The following NCK2 variants were observed in gnomAD, a reference collection of about 807,000 sequenced individuals.
NCK2 encodes the protein cytoplasmic protein NCK2.
Under a neutral mutation model 33.9 loss-of-function variants are expected in NCK2, and 16 were observed. The ratio of observed to expected loss-of-function variants is 0.47; its 90% CI spans 0.32 to 0.72. The LOEUF (loss-of-function observed/expected upper bound fraction) is 0.72, where lower values mean the gene tolerates loss of function less well. Among genes scored for constraint, NCK2 ranks in the 30% least tolerant of loss-of-function variants. The pLI, the probability that NCK2 is intolerant of heterozygous loss-of-function variation, is 0.03. For missense variants in NCK2, 418 were observed against 537.3 expected (o/e 0.78, Z 2.19); for synonymous variants, 273 against 239.9 (o/e 1.14, Z -1.27).
At chr2:105,794,959 T>G (rs1319213711) in intron 1 of NCK2, among the ~76,000 whole-genome samples, 1 of 152,192 alleles carries the variant, frequency 6.6e-6, no homozygotes, top group African/African-American at 2.4e-5. Flanking sequence ...TCCATCACCA[T>G]TTTTTAAAGA....
intron 1 of NCK2, among the ~76,000 whole-genome samples, chr2:105,765,817 C>T (rs200948465): frequency 3.3e-5 from 4 of 121,244 alleles, no homozygotes; most frequent in Non-Finnish European, 4.9e-5. Context: ...GTGTGTGTGT[C>T]TGTGTGTGTG....
Position 105,792,897 on chromosome 2 carries a change from A to G in NCK2, c.-200-23533A>G, listed in dbSNP as rs150623713. The stretch of plus-strand genomic sequence containing the variant: ...TTTCTGATTCAGTCACTCCTTCTGC[A>G]CTTGCTAGCCAGGTGAGGAGAGTAC... On this transcript the variant is annotated intron_variant, in intron 1 of 4. Coordinates refer to ENST00000233154, the MANE Select transcript of NCK2 (RefSeq NM_003581.5). 1.2e-4 allele frequency among the ~76,000 whole-genome samples: 19 copies of G among 152,282 alleles called. No homozygotes were observed. In the East Asian group the frequency reaches 3.5e-3, roughly 28 times the overall value.
At chr2:105,746,338 A>C (rs1318423618) in intron 1 of NCK2, among the ~76,000 whole-genome samples, 3 of 152,136 alleles carry the variant, frequency 2.0e-5, no homozygotes, top group East Asian at 1.9e-4. Flanking sequence ...TGGGACCTAC[A>C]GGTAGGGGAG....
intron 3 of NCK2, among the ~76,000 whole-genome samples, chr2:105,870,228 C>G (rs1190518182): frequency 1.3e-5 from 2 of 152,224 alleles, no homozygotes; most frequent in African/African-American, 4.8e-5. Flanking sequence ...GGTGCTCCTC[C>G]TACCCTCCCC....
At chr2:105,848,309 T>C (rs1676930301) in intron 2 of NCK2, among the ~76,000 whole-genome samples, 1 of 152,210 alleles carries the variant, frequency 6.6e-6, no homozygotes, top group African/African-American at 2.4e-5. Flanking sequence ...TTTCAAACCC[T>C]GGCTTTCTGC....
intron 2 of NCK2, among the ~76,000 whole-genome samples, chr2:105,824,749 G>C (rs1675878546): frequency 6.6e-6 from 1 of 152,186 alleles, no homozygotes; most frequent in Non-Finnish European, 1.5e-5. Flanking sequence ...GTGACATGGA[G>C]GGAGAGGGTA....
chr2:105,848,144 C>G (rs1261591665), intron 2 of NCK2, among the ~76,000 whole-genome samples: 2 of 152,246 alleles, frequency 1.3e-5, no homozygotes. Flanking sequence ...ATGGCTAACA[C>G]TTGTCCAGCA....
intron 2 of NCK2, among the ~76,000 whole-genome samples, chr2:105,853,644 A>C (rs1341946546): frequency 6.6e-6 from 1 of 152,218 alleles, no homozygotes; most frequent in Non-Finnish European, 1.5e-5. Flanking sequence ...TATTCATGAC[A>C]TTTGTTGAAG....
At position 105,812,282 on chromosome 2, in the gene NCK2, C is replaced by T. The variant is rs375368741; in HGVS notation, c.-200-4148C>T. 1.3e-4 allele frequency among the ~76,000 whole-genome samples: 20 copies of T among 152,320 alleles called. No homozygotes were observed. The East Asian group carries it at 3.7e-3, about 28-fold the overall frequency. On this transcript the variant is annotated intron_variant, in intron 1 of 4. Coordinates refer to ENST00000233154, the MANE Select transcript of NCK2 (RefSeq NM_003581.5). ...ACAGCTGAGGTCATCTCCTTGGACA[C>T]CTTTGAGTTTCGGATTGATAAACAC...
chr2:105,778,020 C>G (rs979259601), intron 1 of NCK2, among the ~76,000 whole-genome samples: 1 of 152,216 alleles, frequency 6.6e-6, no homozygotes, highest in African/African-American at 2.4e-5. Context: ...TTGCACCTGC[C>G]TTTTCTCCTC....
chr2:105,765,723 T>C (rs1047473062), intron 1 of NCK2, among the ~76,000 whole-genome samples: 8 of 151,496 alleles, frequency 5.3e-5, no homozygotes, highest in Admixed American at 2.6e-4. Flanking sequence ...CAGTTGCAAA[T>C]ATTTTAGATT....
At chr2:105,754,919 A>AT (rs879443791) in intron 1 of NCK2, among the ~76,000 whole-genome samples, 95 of 149,914 alleles carry the variant, frequency 6.3e-4, no homozygotes, top group African/African-American at 9.3e-4. Context: ...ATAGAAACAG[A>AT]TTTTTTTTTT....
chr2:105,822,269 T>C (rs1196963037), intron 2 of NCK2, among the ~76,000 whole-genome samples: 1 of 152,166 alleles, frequency 6.6e-6, no homozygotes, highest in East Asian at 1.9e-4. Flanking sequence ...CGAGGGCCTC[T>C]GCTGCTCCTG....
intron 1 of NCK2, among the ~76,000 whole-genome samples, chr2:105,815,035 A>G (rs924718907): frequency 6.6e-6 from 1 of 152,204 alleles, no homozygotes; most frequent in African/African-American, 2.4e-5. Flanking sequence ...AGCATGAGAA[A>G]CAAGAACTCT....
chr2:105,846,291 T>C (rs1026906450), intron 2 of NCK2, among the ~76,000 whole-genome samples: 7 of 152,198 alleles, frequency 4.6e-5, no homozygotes, highest in Non-Finnish European at 8.8e-5. Flanking sequence ...TAATGAGCTA[T>C]GTTGACTTAG....
intron 4 of NCK2, among the ~76,000 whole-genome samples, chr2:105,886,976 T>A (rs1241520910): frequency 6.6e-6 from 1 of 152,076 alleles, no homozygotes; most frequent in African/African-American, 2.4e-5. Context: ...GCCTGTGGAG[T>A]AAATATTTTA....
chr2:105,756,893 C>A (rs146082910), intron 1 of NCK2, among the ~76,000 whole-genome samples: 1 of 152,304 alleles, frequency 6.6e-6, no homozygotes, highest in South Asian at 2.1e-4. Context: ...CAACCTCCCC[C>A]CTCCTGGGTT....
Position 105,893,984 on chromosome 2 carries a change from TACACACACACACGTGC to T in NCK2, c.*821_*836del, listed in dbSNP as rs918064449. Reference sequence around the variant, plus strand: ...GGGGAAGGGAGCTACCAACACTTTATACACACACACACGTGCACACACACACACACACACACTATAT... The same window carrying T: ...GGGGAAGGGAGCTACCAACACTTTATACACACACACACACACACACTATAT... On this transcript the variant is annotated 3_prime_UTR_variant, in exon 5 of 5. Transcript: ENST00000233154. 1.6e-4 allele frequency: 21 copies of T among 132,444 alleles called. No homozygotes were observed. Among genetic ancestry groups the T allele is most frequent in the African/African-American group, 5.8e-4 (20 of 34,584 alleles). The allele number at this position is 132,444 out of a possible 1,614,324, so 8.2% of individuals were successfully genotyped here.
At chr2:105,869,016 T>C (rs965437016) in intron 3 of NCK2, among the ~76,000 whole-genome samples, 4 of 152,160 alleles carry the variant, frequency 2.6e-5, no homozygotes, top group Admixed American at 6.5e-5. Flanking sequence ...AGAGCACTTA[T>C]GTCTCAGTAA....
Sources: gnomAD v4.1 joint callset for allele counts (sites outside exome capture counted in the v4.1 genomes callset) on GRCh38, gnomAD v4.1.1 for gene constraint, MANE v1.5 for transcripts, NCBI Gene and HGNC (gene_info 2026-07-23, HGNC 2026-07-21) for gene names.